The following UBE2K variants were observed in gnomAD, a reference collection of about 807,000 sequenced individuals.
UBE2K encodes the protein ubiquitin conjugating enzyme E2 K, also known as ubiquitin-conjugating enzyme E2 K.
Under a neutral mutation model 30.0 loss-of-function variants are expected in UBE2K, and 6 were observed. The observed-to-expected ratio is 0.20, with a 90% CI of 0.11 to 0.39. The LOEUF (loss-of-function observed/expected upper bound fraction) is 0.39, where lower values mean the gene tolerates loss of function less well. Among genes scored for constraint, UBE2K ranks in the 10% least tolerant of loss-of-function variants. The probability of loss-of-function intolerance (pLI) is 1.00; values close to 1 mark genes in which losing one functional copy is unlikely to be tolerated. For missense variants in UBE2K, 61 were observed against 241.6 expected (o/e 0.25, Z 4.96); for synonymous variants, 86 against 83.7 (o/e 1.03, Z -0.15).
chr4:39,718,883 C>G (rs1399522751), intron 1 of UBE2K, among the ~76,000 whole-genome samples: 1 of 152,268 alleles, frequency 6.6e-6, no homozygotes, highest in East Asian at 1.9e-4. Context: ...CCGTGCCTCT[C>G]CCTTCACACC....
At position 39,770,778 on chromosome 4, in the gene UBE2K, C is replaced by T. The variant is rs570394949; in HGVS notation, c.300-4056C>T. The stretch of plus-strand genomic sequence containing the variant: ...TCCCAGGCCTCCAGGGGGCTTGAGC[C>T]GGTGTGCGATGTCCAGGGCCGACTC... On this transcript the variant is annotated intron_variant, in intron 4 of 6. Coordinates refer to ENST00000261427, the MANE Select transcript of UBE2K (RefSeq NM_005339.5). 1.1e-5 allele frequency: 18 copies of T among 1,580,954 alleles called. No individual in the cohort carries two copies. In the African/African-American group the frequency reaches 2.3e-4, roughly 20 times the overall value.
chr4:39,714,539 TATATA>T (rs1337248093), intron 1 of UBE2K: 2 of 50,054 alleles, frequency 4.0e-5, no homozygotes, highest in Non-Finnish European at 6.3e-5. Context: ...TATATATATA[TATATA>T]TATATATTTT....
intron 1 of UBE2K, among the ~76,000 whole-genome samples, chr4:39,737,023 A>T (rs1720415585): frequency 6.6e-6 from 1 of 152,146 alleles, no homozygotes; most frequent in South Asian, 2.1e-4. Flanking sequence ...TTTAAGCAGA[A>T]CCCATGTATC....
At chr4:39,749,176 A>G (rs932076562) in intron 3 of UBE2K, among the ~76,000 whole-genome samples, 1 of 152,216 alleles carries the variant, frequency 6.6e-6, no homozygotes, top group Non-Finnish European at 1.5e-5. Context: ...TTATTATGCA[A>G]TAAATTATTG....
At chr4:39,737,093 C>G (rs140391263) in intron 1 of UBE2K, among the ~76,000 whole-genome samples, 70 of 152,224 alleles carry the variant, frequency 4.6e-4, no homozygotes, top group African/African-American at 1.4e-3. Flanking sequence ...TTAGATTTAT[C>G]GCTTTGGGCC....
intron 4 of UBE2K, chr4:39,771,235 G>A (rs548060094): frequency 3.1e-6 from 5 of 1,611,980 alleles, no homozygotes; most frequent in Admixed American, 1.7e-5. Context: ...CTGCAGCTCC[G>A]AGCTGGGGTT....
chr4:39,746,626 C>G (rs1238459093), intron 3 of UBE2K, among the ~76,000 whole-genome samples: 1 of 152,202 alleles, frequency 6.6e-6, no homozygotes, highest in Admixed American at 6.5e-5. Flanking sequence ...AGTCTTGTTT[C>G]CCACTCTAAT....
chr4:39,743,777 C>G (rs1720833509), intron 2 of UBE2K, among the ~76,000 whole-genome samples: 1 of 152,078 alleles, frequency 6.6e-6, no homozygotes, highest in African/African-American at 2.4e-5. Context: ...TAATAGTATT[C>G]TATGTTATTA....
Position 39,717,727 on chromosome 4 carries a change from G to A in UBE2K, c.63+19337G>A, listed in dbSNP as rs187929410. Among the ~76,000 whole-genome samples the A allele has an allele frequency of 5.1e-4, 77 of 152,292 alleles. 1 individual carries two copies. The highest frequency in any genetic ancestry group is 7.8e-4 in the Admixed American group (12 of 15,296). On this transcript the variant is annotated intron_variant, in intron 1 of 6. Transcript: ENST00000261427. Reference sequence around the variant, plus strand: ...CAAGAATGAAGCCACGGACCCTTGCGGTGAGTGTTAACAGTTCTTAAAGGC... The same window carrying A: ...CAAGAATGAAGCCACGGACCCTTGCAGTGAGTGTTAACAGTTCTTAAAGGC...
chr4:39,779,042 A>ACCCCCCCCCCCCCCCCCCTCC lies in UBE2K; in HGVS notation c.*616_*617insCCCCCCCCCCTCCCCCCCCCC, dbSNP rs3839130. 2 of 128,220 alleles carry ACCCCCCCCCCCCCCCCCCTCC rather than the reference A, an allele frequency of 1.6e-5. No individual in the cohort carries two copies. Among genetic ancestry groups the ACCCCCCCCCCCCCCCCCCTCC allele is most frequent in the African/African-American group, 6.1e-5 (2 of 32,820 alleles). 7.9% of individuals were successfully genotyped at this position (128,220 alleles called of 1,614,324 possible). ...TGGGACAGTGTCTGATTCCCCCTTC[A>ACCCCCCCCCCCCCCCCCCTCC]CCCCCCCCACCCCCGCCTTGCCACA... On this transcript the variant is annotated 3_prime_UTR_variant, in exon 7 of 7. Coordinates refer to ENST00000261427, the MANE Select transcript of UBE2K (RefSeq NM_005339.5).
chr4:39,770,363 C>CT, intron 4 of UBE2K: 1 of 1,613,322 alleles, frequency 6.2e-7, no homozygotes. Context: ...GGTTGAACTC[C>CT]TTGCCACAGC....
chr4:39,725,084 T>C lies in UBE2K; in HGVS notation c.64-12336T>C, dbSNP rs1578440102. On this transcript the variant is annotated intron_variant, in intron 1 of 6. Coordinates refer to ENST00000261427, the MANE Select transcript of UBE2K (RefSeq NM_005339.5). ...TTCTTTGAGTAACGTCCTGTTGTTA[T>C]ACAAAAGCCTTCGTGGCCAGGCATG... Among the ~76,000 whole-genome samples, 3 of 152,148 alleles carry C rather than the reference T, an allele frequency of 2.0e-5. No individual in the cohort carries two copies. In the East Asian group the frequency reaches 5.8e-4, roughly 29 times the overall value.
chr4:39,753,449 T>C (rs945757790), intron 3 of UBE2K, among the ~76,000 whole-genome samples: 1 of 152,224 alleles, frequency 6.6e-6, no homozygotes, highest in Non-Finnish European at 1.5e-5. Context: ...AATAACATTT[T>C]TGCCGTAATA....
chr4:39,728,038 A>G (rs924284011), intron 1 of UBE2K, among the ~76,000 whole-genome samples: 2 of 151,978 alleles, frequency 1.3e-5, no homozygotes, highest in Non-Finnish European at 2.9e-5. Context: ...GGAGGTTGAG[A>G]CAGAAGAATC....
intron 4 of UBE2K, among the ~76,000 whole-genome samples, chr4:39,769,403 AC>A (rs1712592384): frequency 1.6e-5 from 1 of 63,956 alleles, no homozygotes; most frequent in Admixed American, 1.7e-4. Flanking sequence ...TTACCCCCCC[AC>A]CCCCATGACT....
At chr4:39,769,332 G>A (rs1266152090) in intron 4 of UBE2K, among the ~76,000 whole-genome samples, 3 of 149,108 alleles carry the variant, frequency 2.0e-5, no homozygotes, top group South Asian at 4.2e-4. Context: ...AAAAAATACT[G>A]TATGTCTCTA....
intron 4 of UBE2K, among the ~76,000 whole-genome samples, chr4:39,762,241 T>C (rs1034808771): frequency 7.9e-5 from 12 of 151,824 alleles, no homozygotes; most frequent in Non-Finnish European, 1.2e-4. Context: ...TATTTACTTA[T>C]TGTAGAGATG....
At position 39,762,936 on chromosome 4, in the gene UBE2K, C is replaced by CTTTTT. The variant is rs869207095; in HGVS notation, c.299+7220_299+7224dup. Among the ~76,000 whole-genome samples the CTTTTT allele has an allele frequency of 7.3e-3, 572 of 78,704 alleles. 62 individuals carry two copies. The highest frequency in any genetic ancestry group is 0.043 in the East Asian group (79 of 1,840). 51.6% of individuals were successfully genotyped at this position (78,704 alleles called of 152,430 possible). A position where few individuals can be genotyped will look rare whatever the true frequency, so the allele number is the denominator to read the frequency against. ...GAGCCACGCACCCGGCCAAAAAACA[C>CTTTTT]TTTTTTTTTTTTTTTTTTTTTTTTT... On this transcript the variant is annotated intron_variant, in intron 4 of 6. Transcript: ENST00000261427.
intron 1 of UBE2K, among the ~76,000 whole-genome samples, chr4:39,708,625 C>T (rs926759720): frequency 2.0e-5 from 3 of 151,982 alleles, no homozygotes; most frequent in African/African-American, 7.2e-5. Context: ...TTTTCAAAAT[C>T]TTTCTTAAGA....
Sources: allele counts gnomAD v4.1 joint callset (sites outside exome capture counted in the v4.1 genomes callset), GRCh38; gene constraint gnomAD v4.1.1; transcripts MANE v1.5; gene names NCBI Gene and HGNC (gene_info 2026-07-23, HGNC 2026-07-21).